GOLGA4: variants seen among roughly 807,000 people sequenced by gnomAD.
The protein encoded by GOLGA4 is golgin A4.
GOLGA4 carries 169 observed loss-of-function variants against 265.9 expected under a neutral mutation model. That is an observed-to-expected ratio of 0.64 (90% CI 0.56 to 0.72). GOLGA4 has a LOEUF of 0.72. GOLGA4 is among the 30% of genes least tolerant of loss of function. The pLI is 0.00. For synonymous variants in GOLGA4, 923 were observed against 855.8 expected (o/e 1.08, Z -1.37); for missense variants, 2,482 against 2,483.4 (o/e 1.00, Z 0.01).
chr3:37,339,018 C>T (rs1247318352), intron 19 of GOLGA4, among the ~76,000 whole-genome samples: 2 of 151,938 alleles, frequency 1.3e-5, no homozygotes, highest in Non-Finnish European at 2.9e-5. Flanking sequence ...CCTGCCACCA[C>T]GCCCGGCTAA....
chr3:37,362,464 T>A (rs1454219839), intron 23 of GOLGA4, among the ~76,000 whole-genome samples: 4 of 151,446 alleles, frequency 2.6e-5, no homozygotes, highest in African/African-American at 9.7e-5. Context: ...ATGGTCTCGA[T>A]CTCCTGACCT....
intron 2 of GOLGA4, among the ~76,000 whole-genome samples, chr3:37,258,965 G>T (rs1311163309): frequency 7.2e-5 from 11 of 151,908 alleles, no homozygotes; most frequent in Non-Finnish European, 1.3e-4. Flanking sequence ...TGATAATCTG[G>T]TTTTTGTATC....
intron 10 of GOLGA4, among the ~76,000 whole-genome samples, chr3:37,314,989 T>G (rs1204172879): frequency 1.3e-5 from 2 of 152,204 alleles, no homozygotes; most frequent in Admixed American, 6.5e-5. Context: ...TTCTTAAAAG[T>G]GTCATAGTGA....
intron 2 of GOLGA4, 46 bp from the exon 3 acceptor site, chr3:37,281,912 A>G (rs771289734): frequency 4.5e-6 from 6 of 1,347,742 alleles, no homozygotes; most frequent in Non-Finnish European, 5.2e-6. Context: ...TGGAAGTCTA[A>G]ATGTATGTAT....
Position 37,258,034 on chromosome 3 carries a change from T to C in GOLGA4, c.162+6550T>C, listed in dbSNP as rs565483488. 1.3e-3 allele frequency among the ~76,000 whole-genome samples: 86 copies of C among 68,604 alleles called. 6 individuals carry two copies. The South Asian group carries it at 0.017, about 13-fold the overall frequency. The allele number at this position is 68,604 out of a possible 152,430, so 45.0% of individuals were successfully genotyped here. On this transcript the variant is annotated intron_variant, in intron 2 of 23. Coordinates refer to ENST00000361924, the MANE Select transcript of GOLGA4 (RefSeq NM_002078.5). ...ACATATATATATGTATGTATATATG[T>C]ATATATACATACATATATATATGTA...
rs2096877863 is a variant in GOLGA4 at position 37,296,191 on chromosome 3, G to T, written c.786G>T (p.Glu262Asp). ...EPQAEVFTKE[E>D]NPESDGEPVV... ...AGGCTGAAGTCTTCACTAAAGAAGA[G>T]AATCCAGAAAGTGATGGAGAGCCAG... is the stretch of plus-strand genomic sequence containing the variant. The change falls in exon 7 of 24, where the codon GAG becomes GAT. Residue 262 changes from glutamate (E) to aspartate (D), a missense_variant. Transcript: ENST00000361924. The T allele has an allele frequency of 2.5e-6, 4 of 1,614,108 alleles. No homozygotes were observed. In the East Asian group the frequency reaches 8.9e-5, roughly 36 times the overall value.
At chr3:37,250,741 C>G (rs1037107147) in intron 1 of GOLGA4, 4 of 152,118 alleles carry the variant, frequency 2.6e-5, no homozygotes, top group Non-Finnish European at 5.9e-5. Context: ...GAGTAGACCC[C>G]AGACCTCTAG....
chr3:37,303,750 A>AGCT (rs1400757085), intron 10 of GOLGA4, among the ~76,000 whole-genome samples: 1 of 152,220 alleles, frequency 6.6e-6, no homozygotes, highest in Non-Finnish European at 1.5e-5. Flanking sequence ...TAACAGCAGC[A>AGCT]GCTGCTTCTG....
chr3:37,246,633 T>C (rs1393742125), intron 1 of GOLGA4, among the ~76,000 whole-genome samples: 1 of 152,184 alleles, frequency 6.6e-6, no homozygotes, highest in Admixed American at 6.5e-5. Context: ...GGGGAGTTAC[T>C]GTGTAGTGGG....
intron 20 of GOLGA4, among the ~76,000 whole-genome samples, chr3:37,346,874 A>G (rs1337358269): frequency 6.6e-6 from 1 of 152,228 alleles, no homozygotes; most frequent in South Asian, 2.1e-4. Flanking sequence ...CACATAACAC[A>G]GTTTGTTTTC....
At chr3:37,328,336 G>A in intron 14 of GOLGA4, 80 bp from the exon 15 acceptor site, 1 of 1,356,658 alleles carries the variant, frequency 7.4e-7, no homozygotes, top group Non-Finnish European at 1.0e-6. Context: ...CATACTGTAT[G>A]CACTGTTTTA....
intron 11 of GOLGA4, 71 bp downstream of exon 11, chr3:37,315,669 TTGAC>T (rs773703210): frequency 2.4e-6 from 3 of 1,235,820 alleles, no homozygotes; most frequent in Non-Finnish European, 3.5e-6. Flanking sequence ...CTTACACTCT[TTGAC>T]TGTAAAGAAG....
intron 7 of GOLGA4, among the ~76,000 whole-genome samples, 184 bp downstream of exon 7, chr3:37,296,403 T>A (rs79394424): frequency 0.012 from 1,824 of 152,024 alleles, 29 homozygotes; most frequent in African/African-American, 0.042. Flanking sequence ...AAAACAAAAA[T>A]GAAACCCCAA....
At chr3:37,267,097 T>C (rs2096785801) in intron 2 of GOLGA4, among the ~76,000 whole-genome samples, 1 of 152,216 alleles carries the variant, frequency 6.6e-6, no homozygotes, top group African/African-American at 2.4e-5. Flanking sequence ...AGAGAGTAAA[T>C]TGCTGAATTC....
intron 2 of GOLGA4, among the ~76,000 whole-genome samples, chr3:37,261,655 C>T (rs1015841894): frequency 3.3e-5 from 5 of 152,146 alleles, no homozygotes; most frequent in Non-Finnish European, 7.4e-5. Context: ...TGGAAATGTT[C>T]TATACAGAGG....
intron 1 of GOLGA4, among the ~76,000 whole-genome samples, chr3:37,247,098 T>C (rs2150577636): frequency 1.3e-5 from 2 of 152,314 alleles, no homozygotes; most frequent in African/African-American, 4.8e-5. Context: ...ATTAAGAACA[T>C]GATGAAAGGC....
chr3:37,299,200 C>A, intron 8 of GOLGA4, 88 bp from the exon 9 acceptor site: 1 of 986,458 alleles, frequency 1.0e-6, no homozygotes, highest in South Asian at 1.4e-5. Context: ...TGCACTGTAA[C>A]ATGTATATAA....
chr3:37,289,305 A>C lies in GOLGA4; in HGVS notation c.582+14A>C. The C allele has an allele frequency of 1.4e-6, 2 of 1,477,518 alleles. No individual in the cohort carries two copies. The highest frequency in any genetic ancestry group is 2.3e-5 in the South Asian group (2 of 86,094). 91.5% of individuals were successfully genotyped at this position (1,477,518 alleles called of 1,614,324 possible). The stretch of plus-strand genomic sequence containing the variant: ...GAATTAAGAGAGGTAAGTTTCAGTG[A>C]TGAGTACTTTGAAAATAGTAATTAA... On this transcript the variant is annotated intron_variant, in intron 5 of 23. Transcript: ENST00000361924.
At chr3:37,281,706 T>G (rs1361486668) in intron 2 of GOLGA4, among the ~76,000 whole-genome samples, 1 of 152,170 alleles carries the variant, frequency 6.6e-6, no homozygotes, top group Non-Finnish European at 1.5e-5. Flanking sequence ...TGAAGGAAAG[T>G]GACTTACTGA....
Sources: gnomAD v4.1 joint callset for allele counts (sites outside exome capture counted in the v4.1 genomes callset) on GRCh38, gnomAD v4.1.1 for gene constraint, MANE v1.5 for transcripts, NCBI Gene and HGNC (gene_info 2026-07-23, HGNC 2026-07-21) for gene names.